Variants in SVOP observed in about 807,000 individuals in gnomAD.
SVOP encodes the protein synaptic vesicle 2-related protein.
Under a neutral mutation model 69.1 loss-of-function variants are expected in SVOP, and 17 were observed. That is an observed-to-expected ratio of 0.25 (90% CI 0.17 to 0.37). SVOP has a LOEUF of 0.37. Among genes scored for constraint, SVOP ranks in the 10% least tolerant of loss-of-function variants. The pLI, the probability that SVOP is intolerant of heterozygous loss-of-function variation, is 1.00. For missense variants in SVOP, 435 were observed against 597.5 expected, an observed-to-expected ratio of 0.73 and a Z score of 2.84; for synonymous variants, 238 against 238.6, an observed-to-expected ratio of 1.00 and a Z score of 0.02.
intron 8 of SVOP, among the ~76,000 whole-genome samples, chr12:108,939,166 C>T (rs1274758060): frequency 6.6e-6 from 1 of 152,160 alleles, no homozygotes; most frequent in Non-Finnish European, 1.5e-5. Flanking sequence ...TTTCCTTCTC[C>T]ATAAAATGTG....
At chr12:108,927,509 T>G (rs774140559) in intron 11 of SVOP, among the ~76,000 whole-genome samples, 1 of 151,998 alleles carries the variant, frequency 6.6e-6, no homozygotes, top group African/African-American at 2.4e-5. Flanking sequence ...CCCCCAAATA[T>G]AAGCCCACAG....
At chr12:108,984,866 G>C (rs956483572) in intron 1 of SVOP, among the ~76,000 whole-genome samples, 3 of 152,160 alleles carry the variant, frequency 2.0e-5, no homozygotes, top group African/African-American at 7.2e-5. Flanking sequence ...AGTCTCTCAA[G>C]GGGATAGTGA....
intron 1 of SVOP, among the ~76,000 whole-genome samples, chr12:108,995,883 C>T (rs892006093): frequency 4.0e-5 from 6 of 150,312 alleles, no homozygotes; most frequent in East Asian, 3.9e-4. Context: ...GCCTGGGCAA[C>T]GCAGGTAGAC....
intron 1 of SVOP, among the ~76,000 whole-genome samples, chr12:109,009,119 G>A (rs1174622649): frequency 1.3e-5 from 2 of 151,452 alleles, no homozygotes; most frequent in East Asian, 1.9e-4. Flanking sequence ...GAGCCACAAC[G>A]CCTGGCTAAT....
In SVOP at chr12:108,910,214, G is replaced by C. The variant is rs1009375057; in HGVS notation, c.*2321C>G. 1 of 152,166 alleles carries C rather than the reference G, an allele frequency of 6.6e-6. No individual in the cohort carries two copies. Among genetic ancestry groups the C allele is most frequent in the Non-Finnish European group, 1.5e-5 (1 of 68,114 alleles). 9.4% of individuals were successfully genotyped at this position (152,166 alleles called of 1,614,324 possible). On this transcript the variant is annotated 3_prime_UTR_variant, in exon 16 of 16. Coordinates refer to ENST00000610966, the MANE Select transcript of SVOP (RefSeq NM_018711.5). ...CCTGACCTTGTGATCCGCCCGCCTCGGCCTCCAAAAGTGCTGGGATTATAG... is the reference window on the plus strand; with the variant it reads ...CCTGACCTTGTGATCCGCCCGCCTCCGCCTCCAAAAGTGCTGGGATTATAG...
intron 5 of SVOP, among the ~76,000 whole-genome samples, chr12:108,965,984 C>G (rs978751300): frequency 1.4e-5 from 2 of 140,946 alleles, no homozygotes; most frequent in African/African-American, 5.1e-5. Context: ...CCCCCCACTT[C>G]CCTCCCTCCC....
At chr12:108,995,831 G>T (rs907418878) in intron 1 of SVOP, among the ~76,000 whole-genome samples, 3 of 151,822 alleles carry the variant, frequency 2.0e-5, no homozygotes, top group Admixed American at 6.6e-5. Context: ...AATCTGGGAG[G>T]GGGGAGGTTG....
chr12:108,923,335 T>C (rs568094376), intron 11 of SVOP, among the ~76,000 whole-genome samples: 1 of 151,376 alleles, frequency 6.6e-6, no homozygotes, highest in Non-Finnish European at 1.5e-5. Context: ...CAAGTGGCCA[T>C]GTAGGTGGCC....
At chr12:108,922,324 T>C (rs1222727875) in intron 12 of SVOP, among the ~76,000 whole-genome samples, 1 of 152,174 alleles carries the variant, frequency 6.6e-6, no homozygotes, top group Non-Finnish European at 1.5e-5. Flanking sequence ...TGAAAATCCA[T>C]TGCATGTGTA....
intron 6 of SVOP, among the ~76,000 whole-genome samples, chr12:108,947,635 C>T (rs1407078780): frequency 6.6e-6 from 1 of 152,156 alleles, no homozygotes; most frequent in Non-Finnish European, 1.5e-5. Context: ...TCTGCTGCTT[C>T]CACACTTTCC....
chr12:108,943,731 G>A (rs941495880), intron 7 of SVOP, among the ~76,000 whole-genome samples: 1 of 152,048 alleles, frequency 6.6e-6, no homozygotes, highest in Non-Finnish European at 1.5e-5. Context: ...AGGGAATGAA[G>A]GGCAGTCAGA....
chr12:108,976,166 T>C (rs1429397567), intron 4 of SVOP, among the ~76,000 whole-genome samples: 1 of 152,138 alleles, frequency 6.6e-6, no homozygotes, highest in Admixed American at 6.5e-5. Flanking sequence ...AGCCATCAAG[T>C]GCCTCACTCA....
chr12:109,020,882 C>G lies in SVOP; in HGVS notation c.-14G>C, dbSNP rs956821222. ...GTCCTCCTCCATGTCCGCGCTGCGCCAGGATGAGCCCTTCTCATGGCCCTT... is the reference window on the plus strand; with the variant it reads ...GTCCTCCTCCATGTCCGCGCTGCGCGAGGATGAGCCCTTCTCATGGCCCTT... On this transcript the variant is annotated 5_prime_UTR_variant, in exon 1 of 16. Transcript: ENST00000610966. 5 of 718,008 alleles carry G rather than the reference C, an allele frequency of 7.0e-6. No individual in the cohort carries two copies. The highest frequency in any genetic ancestry group is 1.7e-5 in the African/African-American group (1 of 57,300). The allele number at this position is 718,008 out of a possible 1,614,324, so 44.5% of individuals were successfully genotyped here.
intron 11 of SVOP, 73 bp downstream of exon 11, chr12:108,934,122 G>C: frequency 1.5e-6 from 2 of 1,309,482 alleles, no homozygotes; most frequent in Non-Finnish European, 2.1e-6. Context: ...CCTGGGGTGG[G>C]AGTGTGTGCA....
chr12:109,011,454 T>G (rs1484148958), intron 1 of SVOP, among the ~76,000 whole-genome samples: 1 of 152,208 alleles, frequency 6.6e-6, no homozygotes, highest in Non-Finnish European at 1.5e-5. Flanking sequence ...CTTCCTTGTC[T>G]AGGGATCCTC....
intron 2 of SVOP, among the ~76,000 whole-genome samples, chr12:108,982,526 ACCAC>A (rs2040142689): frequency 1.3e-5 from 2 of 151,330 alleles, no homozygotes; most frequent in African/African-American, 4.9e-5. Context: ...CATCACCACC[ACCAC>A]CATCATTTTC....
intron 15 of SVOP, among the ~76,000 whole-genome samples, chr12:108,915,033 C>T (rs1485046815): frequency 2.0e-5 from 3 of 151,474 alleles, no homozygotes; most frequent in South Asian, 2.1e-4. Flanking sequence ...ATTAGCCAGG[C>T]GTGGTGGTGC....
chr12:108,921,085 A>G (rs1042493254), intron 12 of SVOP, among the ~76,000 whole-genome samples: 3 of 120,138 alleles, frequency 2.5e-5, no homozygotes, highest in African/African-American at 1.5e-4. Context: ...ATAGTAAATA[A>G]AGAAGAATCT....
At chr12:109,014,540 A>G (rs2040358363) in intron 1 of SVOP, among the ~76,000 whole-genome samples, 1 of 152,030 alleles carries the variant, frequency 6.6e-6, no homozygotes, top group Non-Finnish European at 1.5e-5. Flanking sequence ...GCTTCCCATT[A>G]TTTTGCATCT....
Sources: allele counts gnomAD v4.1 joint callset (sites outside exome capture counted in the v4.1 genomes callset), GRCh38; gene constraint gnomAD v4.1.1; transcripts MANE v1.5; gene names NCBI Gene and HGNC (gene_info 2026-07-23, HGNC 2026-07-21).